The following PRXL2A variants were observed in gnomAD, a reference collection of about 807,000 sequenced individuals.
PRXL2A encodes peroxiredoxin like 2A, also known as peroxiredoxin-like 2A.
In PRXL2A, 26 loss-of-function variants were observed where a neutral mutation model predicts 25.6. The observed-to-expected ratio is 1.02, with a 90% CI of 0.74 to 1.41. The LOEUF is 1.41. Ranked by LOEUF, PRXL2A falls within the 40% of genes most tolerant of loss-of-function variation. PRXL2A has a pLI of 0.00. For missense variants in PRXL2A, 246 were observed against 273.9 expected (o/e 0.90, Z 0.72); for synonymous variants, 98 against 102.9 (o/e 0.95, Z 0.29).
chr10:80,409,012 G>A, intron 1 of PRXL2A: 1 of 984,978 alleles, frequency 1.0e-6, no homozygotes, highest in Non-Finnish European at 1.2e-6. Flanking sequence ...AAGAACAGAG[G>A]AGAGGGCCCT....
intron 1 of PRXL2A, among the ~76,000 whole-genome samples, chr10:80,410,949 G>C (rs953798345): frequency 2.0e-5 from 3 of 152,242 alleles, no homozygotes; most frequent in African/African-American, 7.2e-5. Flanking sequence ...GAATGTGGGG[G>C]CTGGTGCTGC....
chr10:80,409,043 G>C, intron 1 of PRXL2A: 3 of 985,442 alleles, frequency 3.0e-6, no homozygotes, highest in Non-Finnish European at 3.6e-6. Context: ...ATGGGCCCGG[G>C]GGCCGCCCTG....
intron 1 of PRXL2A, among the ~76,000 whole-genome samples, chr10:80,418,650 C>T (rs765761854): frequency 2.2e-4 from 33 of 152,182 alleles, no homozygotes; most frequent in South Asian, 4.1e-4. Context: ...GGCCTATTCC[C>T]GGTGATCTAA....
chr10:80,409,135 CG>C (rs1046006488), intron 1 of PRXL2A: 2 of 921,826 alleles, frequency 2.2e-6, no homozygotes, highest in African/African-American at 3.6e-5. Flanking sequence ...TAAGAGGGCA[CG>C]GTTTCTAGCG....
At chr10:80,418,488 C>T (rs1844745788) in intron 1 of PRXL2A, among the ~76,000 whole-genome samples, 1 of 151,966 alleles carries the variant, frequency 6.6e-6, no homozygotes, top group African/African-American at 2.4e-5. Flanking sequence ...CCCCTCACAG[C>T]CCCCACCCTT....
rs779214951 is a variant in PRXL2A, at chr10:80,422,459, G to A, written c.221G>A (p.Gly74Glu). ...GCAAAGGAGCTATGGGAAAAAAATG[G>A]AGCTGTGATTATGGCCGTGCGGAGG... ...FKAKELWEKN[G>E]AVIMAVRRPG... The change falls in exon 3 of 6, where the codon GGA becomes GAA. Residue 74 changes from glycine to glutamate, a missense_variant. Gly to Glu is a moderately conservative substitution (Grantham distance 98). Coordinates refer to ENST00000606162, the MANE Select transcript of PRXL2A (RefSeq NM_032333.5). 1.4e-5 allele frequency: 22 copies of A among 1,614,134 alleles called. No homozygotes were observed. The highest frequency in any genetic ancestry group is 1.9e-5 in the Non-Finnish European group (22 of 1,180,016).
rs1457611095 is a variant in PRXL2A at position 80,420,506 on chromosome 10, G to A, written c.39G>A (p.Gly13=). The A allele has an allele frequency of 1.9e-6, 3 of 1,609,448 alleles. No individual in the cohort carries two copies. In the African/African-American group the frequency reaches 4.0e-5, roughly 22 times the overall value. The change falls in exon 2 of 6, where the codon GGG becomes GGA. Residue 13 remains glycine (G), a synonymous_variant. Transcript: ENST00000606162. ...AGGACCCAAGTTTCTTCACCATGGG[G>A]ATGTGGTCCATTGGTGCAGGAGCCC... The part of the protein sequence containing the change: ...FLQDPSFFTM[G]MWSIGAGALG...
chr10:80,425,029 A>G (rs1290198390), intron 3 of PRXL2A, among the ~76,000 whole-genome samples: 1 of 152,240 alleles, frequency 6.6e-6, no homozygotes, highest in Non-Finnish European at 1.5e-5. Context: ...TTCTTACTCT[A>G]GAAAATAAAT....
chr10:80,419,235 C>T (rs1403356694), intron 1 of PRXL2A, among the ~76,000 whole-genome samples: 1 of 151,948 alleles, frequency 6.6e-6, no homozygotes, highest in East Asian at 1.9e-4. Flanking sequence ...TCACCTGCCT[C>T]GGCCTCCCAA....
At chr10:80,421,862 A>G (rs1844876691) in intron 2 of PRXL2A, among the ~76,000 whole-genome samples, 2 of 152,204 alleles carry the variant, frequency 1.3e-5, no homozygotes, top group South Asian at 4.1e-4. Flanking sequence ...CTGAGGTTCA[A>G]AGAGCAAAAA....
Position 80,436,565 on chromosome 10 carries a change from G to C in PRXL2A, c.*4466G>C, listed in dbSNP as rs1020146933. Reference sequence around the variant, plus strand: ...AGCCAGGATGCCCCTGATCATCTCTGATAACTTTAAAAGGAAGGCCTCAGA... The same window carrying C: ...AGCCAGGATGCCCCTGATCATCTCTCATAACTTTAAAAGGAAGGCCTCAGA... On this transcript the variant is annotated 3_prime_UTR_variant, in exon 6 of 6. Transcript: ENST00000606162. 2.6e-5 allele frequency: 4 copies of C among 152,200 alleles called. No individual in the cohort carries two copies. Among genetic ancestry groups the C allele is most frequent in the Admixed American group, 6.5e-5 (1 of 15,268 alleles). The allele number at this position is 152,200 out of a possible 1,614,324, so 9.4% of individuals were successfully genotyped here.
intron 1 of PRXL2A, chr10:80,409,040 C>T (rs1365780313): frequency 3.0e-6 from 3 of 985,202 alleles, no homozygotes; most frequent in Non-Finnish European, 3.6e-6. Flanking sequence ...AGCATGGGCC[C>T]GGGGGCCGCC....
At chr10:80,411,295 C>T (rs980336518) in intron 1 of PRXL2A, among the ~76,000 whole-genome samples, 6 of 152,360 alleles carry the variant, frequency 3.9e-5, no homozygotes, top group South Asian at 2.1e-4. Context: ...TTATAAGCTG[C>T]TTACCAAGGA....
In PRXL2A at chr10:80,427,410, C is replaced by T. The variant is rs776396632; in HGVS notation, c.490C>T (p.Arg164Ter). Reference sequence around the variant, plus strand: ...TCTGGGAGTGTGGTACAACTTCTTCCGAGCCTGGAACGGAGGCTTCTCTGG... The same window carrying T: ...TCTGGGAGTGTGGTACAACTTCTTCTGAGCCTGGAACGGAGGCTTCTCTGG... ...IRLGVWYNFFRAWNGGFSGNL... is the reference protein window; with the variant it reads ...IRLGVWYNFF The change falls in exon 5 of 6, where the codon CGA becomes TGA. Residue 164 changes from arginine (R) to a stop codon, truncating the protein, a stop_gained. Coordinates refer to ENST00000606162, the MANE Select transcript of PRXL2A (RefSeq NM_032333.5). LOFTEE classifies it high-confidence loss of function. 81 of 1,614,006 alleles carry T rather than the reference C, an allele frequency of 5.0e-5. 1 individual carries two copies. In the South Asian group the frequency reaches 5.5e-4, roughly 11 times the overall value.
chr10:80,416,000 A>G (rs1389153060), intron 1 of PRXL2A, among the ~76,000 whole-genome samples: 3 of 152,228 alleles, frequency 2.0e-5, no homozygotes. Flanking sequence ...ATCAGAGACC[A>G]TTCTATGTGC....
chr10:80,412,687 T>C (rs905411596), intron 1 of PRXL2A, among the ~76,000 whole-genome samples: 4 of 152,176 alleles, frequency 2.6e-5, no homozygotes, highest in Admixed American at 1.3e-4. Flanking sequence ...GGAAGTGTTA[T>C]GTGTGCTGGG....
intron 1 of PRXL2A, chr10:80,409,048 G>T: frequency 1.0e-6 from 1 of 985,400 alleles, no homozygotes; most frequent in Non-Finnish European, 1.2e-6. Context: ...CCCGGGGGCC[G>T]CCCTGCTGGA....
chr10:80,419,373 T>C (rs939571681), intron 1 of PRXL2A, among the ~76,000 whole-genome samples: 2 of 145,820 alleles, frequency 1.4e-5, no homozygotes, highest in African/African-American at 5.1e-5. Flanking sequence ...AATGGCACGA[T>C]CTCGGCTCAC....
Position 80,433,524 on chromosome 10 carries a change from TGG to T in PRXL2A, c.*1426_*1427del, listed in dbSNP as rs1297854777. 1.3e-5 allele frequency: 2 copies of T among 152,518 alleles called. No individual in the cohort carries two copies. The allele number at this position is 152,518 out of a possible 1,614,324, so 9.4% of individuals were successfully genotyped here. On this transcript the variant is annotated 3_prime_UTR_variant, in exon 6 of 6. Transcript: ENST00000606162. Reference sequence around the variant, plus strand: ...GGAAAGCAAGAATGGATACTGATGTTGGAGGTAAAGCTGGGAAAGTAGGAGAG... The same window carrying T: ...GGAAAGCAAGAATGGATACTGATGTTAGGTAAAGCTGGGAAAGTAGGAGAG...
Sources: gnomAD v4.1 joint callset for allele counts (sites outside exome capture counted in the v4.1 genomes callset) on GRCh38, gnomAD v4.1.1 for gene constraint, MANE v1.5 for transcripts, NCBI Gene and HGNC (gene_info 2026-07-23, HGNC 2026-07-21) for gene names.